Variants in SHB observed in about 807,000 individuals in gnomAD.
The protein encoded by SHB is SH2 domain-containing adapter protein B.
Under a neutral mutation model 52.3 loss-of-function variants are expected in SHB, and 20 were observed. The observed-to-expected ratio is 0.38, with a 90% CI of 0.27 to 0.56. SHB has a LOEUF of 0.56. Among genes scored for constraint, SHB ranks in the 20% least tolerant of loss-of-function variants. SHB has a pLI of 0.71. For missense variants in SHB, 825 were observed against 723.3 expected, an observed-to-expected ratio of 1.14 and a Z score of -1.61; for synonymous variants, 397 against 316.5, an observed-to-expected ratio of 1.25 and a Z score of -2.70.
rs141416871 is a variant in SHB, at chr9:37,970,112, C to T, written c.1054+4510G>A. Among the ~76,000 whole-genome samples the T allele has an allele frequency of 4.8e-3, 731 of 152,302 alleles. 8 individuals carry two copies. The highest frequency in any genetic ancestry group is 0.017 in the African/African-American group (706 of 41,546). ...AGAGCTGCAGTCCACTCCCTGCAGC[C>T]AGCAGCCCGTGGTGGAACCTGACTG... On this transcript the variant is annotated intron_variant, in intron 3 of 5. Coordinates refer to ENST00000377707, the MANE Select transcript of SHB (RefSeq NM_003028.3).
intron 5 of SHB, among the ~76,000 whole-genome samples, chr9:37,945,479 A>T (rs1413476699): frequency 6.6e-6 from 1 of 152,058 alleles, no homozygotes; most frequent in Non-Finnish European, 1.5e-5. Flanking sequence ...TGGCTCAGCC[A>T]TAGGATGCCC....
chr9:37,974,149 G>C (rs1820624856), intron 3 of SHB, among the ~76,000 whole-genome samples: 1 of 152,144 alleles, frequency 6.6e-6, no homozygotes, highest in African/African-American at 2.4e-5. Flanking sequence ...CCAGCTGCTT[G>C]AGAGGCTGAG....
chr9:37,928,164 T>C (rs1832272351), intron 5 of SHB, among the ~76,000 whole-genome samples: 1 of 152,162 alleles, frequency 6.6e-6, no homozygotes, highest in African/African-American at 2.4e-5. Context: ...CCTTCAGTGC[T>C]GAGTTCTCAA....
chr9:38,054,055 T>C (rs933958331), intron 1 of SHB, among the ~76,000 whole-genome samples: 3 of 152,200 alleles, frequency 2.0e-5, no homozygotes, highest in Admixed American at 6.5e-5. Context: ...TCTACCTACA[T>C]AGAAGATGGG....
intron 2 of SHB, among the ~76,000 whole-genome samples, chr9:38,011,150 G>A (rs893953338): frequency 1.3e-5 from 2 of 152,122 alleles, no homozygotes; most frequent in African/African-American, 4.8e-5. Flanking sequence ...ATGCATCCGG[G>A]GACCTTAAGC....
chr9:37,988,220 A>G (rs1180142593), intron 2 of SHB, among the ~76,000 whole-genome samples: 2 of 152,142 alleles, frequency 1.3e-5, no homozygotes, highest in Non-Finnish European at 2.9e-5. Context: ...TGCCTTCTGG[A>G]TAACAATGAC....
intron 5 of SHB, among the ~76,000 whole-genome samples, chr9:37,938,882 G>A (rs1450322765): frequency 6.6e-6 from 1 of 152,188 alleles, no homozygotes; most frequent in Non-Finnish European, 1.5e-5. Flanking sequence ...TTGCCTCTGC[G>A]TTTTAGGCAG....
chr9:37,946,305 C>G (rs942289667), intron 5 of SHB, among the ~76,000 whole-genome samples: 1 of 152,262 alleles, frequency 6.6e-6, no homozygotes. Context: ...TAGGGAATGG[C>G]ACACCCCAGT....
intron 1 of SHB, among the ~76,000 whole-genome samples, chr9:38,016,449 G>A (rs1351838412): frequency 1.3e-5 from 2 of 152,226 alleles, no homozygotes; most frequent in Admixed American, 6.5e-5. Flanking sequence ...GAACCTGGAG[G>A]GCATCCTCAG....
intron 1 of SHB, among the ~76,000 whole-genome samples, chr9:38,046,205 C>T (rs1821650445): frequency 6.6e-6 from 1 of 151,988 alleles, no homozygotes; most frequent in South Asian, 2.1e-4. Context: ...AAAGAGGCAC[C>T]TAATGTTTTC....
chr9:38,003,706 C>T (rs1389153685), intron 2 of SHB, among the ~76,000 whole-genome samples: 1 of 152,208 alleles, frequency 6.6e-6, no homozygotes, highest in African/African-American at 2.4e-5. Context: ...GACACTGTCC[C>T]AACTGTACTA....
At chr9:37,993,068 T>G (rs956460123) in intron 2 of SHB, among the ~76,000 whole-genome samples, 5 of 151,914 alleles carry the variant, frequency 3.3e-5, no homozygotes, top group African/African-American at 1.2e-4. Flanking sequence ...GAGCGACAGG[T>G]GAAGAGATTT....
At chr9:37,925,135 T>A (rs1160839226) in intron 5 of SHB, among the ~76,000 whole-genome samples, 2 of 152,164 alleles carry the variant, frequency 1.3e-5, no homozygotes, top group African/African-American at 4.8e-5. Flanking sequence ...CATCTATCCA[T>A]CCATCCATCC....
At chr9:38,035,087 G>A (rs931842276) in intron 1 of SHB, among the ~76,000 whole-genome samples, 4 of 152,042 alleles carry the variant, frequency 2.6e-5, no homozygotes, top group Admixed American at 2.6e-4. Context: ...TGAAGGGACC[G>A]AGGGGTATCT....
rs1485467231 is a variant in SHB, at chr9:38,067,935, C to A, written c.711G>T (p.Lys237Asn). 1 of 1,533,100 alleles carries A rather than the reference C, an allele frequency of 6.5e-7. No individual in the cohort carries two copies. 95.0% of individuals were successfully genotyped at this position (1,533,100 alleles called of 1,614,324 possible). ...AGGCCAAGGGGCACCTTACCTTGTC[C>A]TTCTTGCCGGCCCCGCTCTCCTCCG... The part of the protein sequence containing the change: ...SAAEESGAGK[K>N]DKVTIADDYS... The change falls in exon 1 of 6, where the codon AAG (lysine) becomes AAT (asparagine). Residue 237 changes from lysine to asparagine, a missense_variant. By Grantham distance (94) the Lys-to-Asn change is moderately conservative. Transcript: ENST00000377707.
At chr9:37,961,091 G>C (rs901437556) in intron 3 of SHB, among the ~76,000 whole-genome samples, 2 of 152,128 alleles carry the variant, frequency 1.3e-5, no homozygotes, top group African/African-American at 2.4e-5. Context: ...GAAAGGTCTG[G>C]CACAAACGCC....
intron 3 of SHB, among the ~76,000 whole-genome samples, chr9:37,970,018 C>G (rs1820573021): frequency 6.6e-6 from 1 of 152,216 alleles, no homozygotes; most frequent in Non-Finnish European, 1.5e-5. Context: ...CTCTGGAAGG[C>G]TGGTGTCTCT....
intron 1 of SHB, among the ~76,000 whole-genome samples, chr9:38,021,796 G>A (rs1479600329): frequency 2.0e-5 from 3 of 152,220 alleles, no homozygotes; most frequent in African/African-American, 7.2e-5. Flanking sequence ...GGACAGCACA[G>A]GCCTGTGTCA....
At chr9:37,928,740 G>A (rs1167165903) in intron 5 of SHB, among the ~76,000 whole-genome samples, 6 of 152,224 alleles carry the variant, frequency 3.9e-5, no homozygotes, top group South Asian at 4.1e-4. Flanking sequence ...AACGTCTGAC[G>A]AATCCCGGCT....
Sources: allele counts gnomAD v4.1 joint callset (sites outside exome capture counted in the v4.1 genomes callset), GRCh38; gene constraint gnomAD v4.1.1; transcripts MANE v1.5; gene names NCBI Gene and HGNC (gene_info 2026-07-23, HGNC 2026-07-21).